Variants in PTPRD observed in about 807,000 individuals in gnomAD.
The protein encoded by PTPRD is receptor-type tyrosine-protein phosphatase delta.
A neutral mutation model predicts 214.5 loss-of-function variants in PTPRD; 34 were observed. That is an observed-to-expected ratio of 0.16 (90% CI 0.12 to 0.21). The LOEUF (loss-of-function observed/expected upper bound fraction) is 0.21. Among genes scored for constraint, PTPRD ranks in the 10% least tolerant of loss-of-function variants. The probability of loss-of-function intolerance (pLI) is 1.00; values close to 1 mark genes in which losing one functional copy is unlikely to be tolerated. For missense variants in PTPRD, 2,545 were observed against 2,398.7 expected (o/e 1.06, Z -1.27); for synonymous variants, 1,128 against 845.7 (o/e 1.33, Z -5.79).
Position 10,291,028 on chromosome 9 carries a change from CT to C in PTPRD, c.-545+49934del, listed in dbSNP as rs546852022. 9.1e-3 allele frequency among the ~76,000 whole-genome samples: 1,190 copies of C among 130,592 alleles called. 8 individuals are homozygous for C. Among genetic ancestry groups the C allele is most frequent in the African/African-American group, 0.025 (898 of 36,054 alleles). The allele number at this position is 130,592 out of a possible 152,430, so 85.7% of individuals were successfully genotyped here. ...AATTCCATTGTTTAGAGAATCTACA[CT>C]TTTTTTTTTTTTTTTGCTCCTTACT... On this transcript the variant is annotated intron_variant, in intron 3 of 45. Coordinates refer to ENST00000381196, the MANE Select transcript of PTPRD (RefSeq NM_002839.4).
At chr9:9,942,675 T>G (rs1338378924) in intron 4 of PTPRD, among the ~76,000 whole-genome samples, 2 of 152,162 alleles carry the variant, frequency 1.3e-5, no homozygotes, top group Non-Finnish European at 2.9e-5. Flanking sequence ...GTGAAAAGTT[T>G]TATATCAATG....
chr9:10,159,386 A>G (rs2099113426), intron 3 of PTPRD, among the ~76,000 whole-genome samples: 2 of 152,050 alleles, frequency 1.3e-5, no homozygotes, highest in East Asian at 1.9e-4. Flanking sequence ...CTAAGCAAAT[A>G]TAGTCAGGAA....
At chr9:8,843,340 T>C (rs2097604391) in intron 11 of PTPRD, among the ~76,000 whole-genome samples, 1 of 152,222 alleles carries the variant, frequency 6.6e-6, no homozygotes, top group Non-Finnish European at 1.5e-5. Context: ...ACACAGTATC[T>C]TTCACTTACA....
At chr9:9,535,261 G>A (rs1343683607) in intron 8 of PTPRD, among the ~76,000 whole-genome samples, 2 of 152,036 alleles carry the variant, frequency 1.3e-5, no homozygotes, top group African/African-American at 4.8e-5. Flanking sequence ...AACGATTCTA[G>A]CTTTATTTGC....
intron 7 of PTPRD, among the ~76,000 whole-genome samples, chr9:9,722,369 G>C (rs1036830342): frequency 4.6e-5 from 7 of 151,936 alleles, no homozygotes; most frequent in African/African-American, 1.2e-4. Flanking sequence ...ATGTTTTCCA[G>C]ATTCATTCAT....
chr9:9,935,629 A>G (rs928288780), intron 5 of PTPRD, among the ~76,000 whole-genome samples: 1 of 149,336 alleles, frequency 6.7e-6, no homozygotes, highest in African/African-American at 2.6e-5. Context: ...AACAATCAAT[A>G]TCGTGAAAAT....
chr9:9,656,884 T>C (rs900210582), intron 7 of PTPRD, among the ~76,000 whole-genome samples: 14 of 152,150 alleles, frequency 9.2e-5, no homozygotes, highest in South Asian at 2.1e-4. Flanking sequence ...TATATATATA[T>C]ACATAGGAAC....
chr9:8,744,662 G>A (rs1314459327), intron 11 of PTPRD, among the ~76,000 whole-genome samples: 4 of 152,226 alleles, frequency 2.6e-5, no homozygotes, highest in African/African-American at 4.8e-5. Context: ...GCTGGCAGCA[G>A]GGTGAGGGAT....
intron 14 of PTPRD, among the ~76,000 whole-genome samples, chr9:8,582,117 G>C (rs987212753): frequency 2.6e-5 from 4 of 151,956 alleles, no homozygotes; most frequent in Admixed American, 6.6e-5. Flanking sequence ...TCAGAAAAAA[G>C]CTCGGACATA....
chr9:10,069,964 T>G (rs1026282393), intron 3 of PTPRD, among the ~76,000 whole-genome samples: 1 of 152,200 alleles, frequency 6.6e-6, no homozygotes, highest in Non-Finnish European at 1.5e-5. Context: ...TTTCAAAATA[T>G]GTGCCATGAA....
Position 8,499,811 on chromosome 9 carries a change from C to A in PTPRD, c.2158G>T (p.Val720Leu), listed in dbSNP as rs372425454. Residue 720 changes from valine (V) to leucine (L), a missense_variant, in exon 25 of 46, where the codon GTA (valine) becomes TTA (leucine). Val to Leu is a conservative substitution (Grantham distance 32). Transcript: ENST00000381196. ...ACAGATGTTGAGTTGACAGCCTCTA[C>A]CTCGACTTTGCGAGGAGGACCACTA... ...VPSGPPRKVEVEAVNSTSVKV... is the reference protein window; with the variant it reads ...VPSGPPRKVELEAVNSTSVKV... 2.5e-6 allele frequency: 4 copies of A among 1,612,640 alleles called. No individual in the cohort carries two copies. Among genetic ancestry groups the A allele is most frequent in the Non-Finnish European group, 3.4e-6 (4 of 1,179,458 alleles).
chr9:8,864,246 G>C (rs779272729), intron 11 of PTPRD, among the ~76,000 whole-genome samples: 2 of 152,112 alleles, frequency 1.3e-5, no homozygotes, highest in Non-Finnish European at 2.9e-5. Flanking sequence ...ACCAAAATTT[G>C]TACTGTTTAA....
At chr9:10,116,905 T>TA (rs2098734956) in intron 3 of PTPRD, among the ~76,000 whole-genome samples, 1 of 152,052 alleles carries the variant, frequency 6.6e-6, no homozygotes, top group South Asian at 2.1e-4. Context: ...ATGCATAATG[T>TA]ACTCATCTGC....
chr9:8,625,422 G>A (rs933487559), intron 14 of PTPRD, among the ~76,000 whole-genome samples: 4 of 151,772 alleles, frequency 2.6e-5, no homozygotes, highest in African/African-American at 9.7e-5. Flanking sequence ...AAAGAACTAT[G>A]TATGCCGATA....
intron 9 of PTPRD, among the ~76,000 whole-genome samples, chr9:9,268,807 CAAA>C (rs66741804): frequency 9.1e-5 from 10 of 110,158 alleles, no homozygotes; most frequent in South Asian, 3.0e-4. Flanking sequence ...TATCCACAAG[CAAA>C]AAAAAAAAAA....
At chr9:9,160,625 T>A (rs1021144874) in intron 10 of PTPRD, among the ~76,000 whole-genome samples, 1 of 152,088 alleles carries the variant, frequency 6.6e-6, no homozygotes, top group African/African-American at 2.4e-5. Context: ...GCATGGAGAT[T>A]CCTCAAAAAA....
At chr9:8,484,542 T>C (rs1433877626) in intron 29 of PTPRD, among the ~76,000 whole-genome samples, 164 bp from the exon 30 acceptor site, 2 of 139,420 alleles carry the variant, frequency 1.4e-5, no homozygotes, top group Non-Finnish European at 3.1e-5. Flanking sequence ...ATCACATCAA[T>C]TTTCCTGTCA....
chr9:8,427,882 A>C (rs1364442126), intron 35 of PTPRD, among the ~76,000 whole-genome samples: 2 of 152,034 alleles, frequency 1.3e-5, no homozygotes, highest in Non-Finnish European at 2.9e-5. Flanking sequence ...TGGTACATGC[A>C]ATGATGGAGT....
chr9:8,766,167 C>T (rs994395948), intron 11 of PTPRD, among the ~76,000 whole-genome samples: 2 of 149,942 alleles, frequency 1.3e-5, no homozygotes, highest in African/African-American at 4.9e-5. Context: ...GGTTCAACCC[C>T]ATTTCGTTTT....
Sources: gnomAD v4.1 joint callset for allele counts (sites outside exome capture counted in the v4.1 genomes callset) on GRCh38, gnomAD v4.1.1 for gene constraint, MANE v1.5 for transcripts, NCBI Gene and HGNC (gene_info 2026-07-23, HGNC 2026-07-21) for gene names.